Variants in EPHA6 observed in about 807,000 individuals in gnomAD.
The protein encoded by EPHA6 is ephrin type-A receptor 6.
A neutral mutation model predicts 112.0 loss-of-function variants in EPHA6; 50 were observed. The ratio of observed to expected loss-of-function variants is 0.45; its 90% CI spans 0.36 to 0.56. The LOEUF is 0.56. EPHA6 is among the 20% of genes least tolerant of loss of function. EPHA6 has a pLI of 0.00. For missense variants in EPHA6, 1,280 were observed against 1,417.4 expected (o/e 0.90, Z 1.56); for synonymous variants, 529 against 490.7 (o/e 1.08, Z -1.03).
intron 11 of EPHA6, among the ~76,000 whole-genome samples, chr3:97,533,014 T>C (rs2092712861): frequency 6.6e-6 from 1 of 152,000 alleles, no homozygotes; most frequent in South Asian, 2.1e-4. Flanking sequence ...ATAATTTATA[T>C]AAAATGAAAA....
At chr3:97,511,897 GCTT>G (rs1251749178) in intron 10 of EPHA6, among the ~76,000 whole-genome samples, 15 of 151,780 alleles carry the variant, frequency 9.9e-5, no homozygotes, top group African/African-American at 3.6e-4. Context: ...AATTTGGATT[GCTT>G]CTTATAATTG....
intron 6 of EPHA6, among the ~76,000 whole-genome samples, chr3:97,440,764 C>T (rs2090094706): frequency 6.6e-6 from 1 of 151,334 alleles, no homozygotes; most frequent in South Asian, 2.1e-4. Flanking sequence ...GAAATAGAAT[C>T]ACTAATATTT....
rs2033661552 is a variant in EPHA6 at position 97,706,060 on chromosome 3, G to T, written c.2785-14201G>T. ...TTGCTTTGCCAAAATGTATTCACTG[G>T]AAAAATCTGCTATAAAACAGTGAAT... On this transcript the variant is annotated intron_variant, in intron 14 of 17. Transcript: ENST00000389672. 2.0e-5 allele frequency among the ~76,000 whole-genome samples: 3 copies of T among 152,230 alleles called. No homozygotes were observed. In the South Asian group the frequency reaches 6.2e-4, roughly 32 times the overall value.
At chr3:97,623,132 C>T (rs1302124106) in intron 13 of EPHA6, among the ~76,000 whole-genome samples, 1 of 151,604 alleles carries the variant, frequency 6.6e-6, no homozygotes, top group Admixed American at 6.6e-5. Context: ...TCAGTTTTTT[C>T]TTTTGTTGCC....
At chr3:97,201,423 C>T (rs1237778734) in intron 3 of EPHA6, among the ~76,000 whole-genome samples, 9 of 152,020 alleles carry the variant, frequency 5.9e-5, no homozygotes, top group African/African-American at 2.2e-4. Flanking sequence ...TTACCAGAAG[C>T]CTAAAATCTG....
At chr3:97,040,648 G>A (rs114451781) in intron 3 of EPHA6, among the ~76,000 whole-genome samples, 6,354 of 152,034 alleles carry the variant, frequency 0.042, 168 homozygotes, top group Middle Eastern at 0.086. Flanking sequence ...AATGATCCAA[G>A]CATTCATATT....
chr3:97,241,837 A>T (rs2078858694), intron 4 of EPHA6, among the ~76,000 whole-genome samples: 1 of 150,342 alleles, frequency 6.7e-6, no homozygotes, highest in South Asian at 2.1e-4. Context: ...ATAATTGATA[A>T]TATTCTTCCT....
chr3:97,173,599 G>C (rs2076754059), intron 3 of EPHA6, among the ~76,000 whole-genome samples: 1 of 151,788 alleles, frequency 6.6e-6, no homozygotes. Flanking sequence ...CAAGTTTCCT[G>C]TTGTACTTAC....
intron 5 of EPHA6, among the ~76,000 whole-genome samples, chr3:97,382,984 A>C (rs1265868584): frequency 1.3e-5 from 2 of 152,024 alleles, no homozygotes; most frequent in African/African-American, 2.4e-5. Context: ...TTATTCAACC[A>C]TACCCTTTTA....
chr3:97,449,524 G>A (rs1418191225), intron 7 of EPHA6, among the ~76,000 whole-genome samples: 5 of 151,802 alleles, frequency 3.3e-5, no homozygotes, highest in Non-Finnish European at 7.4e-5. Context: ...AATAATAATA[G>A]CAAGCATTTA....
At chr3:97,546,385 T>C (rs1047607060) in intron 11 of EPHA6, among the ~76,000 whole-genome samples, 3 of 152,260 alleles carry the variant, frequency 2.0e-5, no homozygotes, top group African/African-American at 7.2e-5. Flanking sequence ...GAATGTTGAA[T>C]ATTGGTCCCC....
rs2036049188 is a variant in EPHA6, at chr3:97,757,304, A to T, written c.*8603A>T. On this transcript the variant is annotated 3_prime_UTR_variant, in exon 18 of 18. Coordinates refer to ENST00000389672, the MANE Select transcript of EPHA6 (RefSeq NM_001080448.3). ...AATCTCTAATATAAATGAGTACACT[A>T]ATAGTTGTTAAAATATGTATTGATA... Among the ~76,000 whole-genome samples the T allele has an allele frequency of 6.6e-6, 1 of 151,882 alleles. No individual in the cohort carries two copies. The highest frequency in any genetic ancestry group is 1.9e-4 in the East Asian group (1 of 5,198).
chr3:97,669,946 C>T (rs998176081), intron 14 of EPHA6, among the ~76,000 whole-genome samples: 2 of 152,142 alleles, frequency 1.3e-5, no homozygotes, highest in Non-Finnish European at 2.9e-5. Flanking sequence ...GCCTATTTCT[C>T]TGGAGGACAA....
intron 3 of EPHA6, among the ~76,000 whole-genome samples, chr3:97,183,298 A>G (rs1448084893): frequency 6.6e-6 from 1 of 152,154 alleles, no homozygotes; most frequent in Non-Finnish European, 1.5e-5. Flanking sequence ...GTACAATTCC[A>G]TAACCCTGAA....
chr3:96,944,006 C>T (rs2041119119), intron 2 of EPHA6, among the ~76,000 whole-genome samples: 1 of 152,068 alleles, frequency 6.6e-6, no homozygotes, highest in Non-Finnish European at 1.5e-5. Flanking sequence ...AGTGAATAAA[C>T]ATGCTTAATA....
chr3:97,452,435 T>C (rs866124541), intron 7 of EPHA6, among the ~76,000 whole-genome samples: 1 of 151,804 alleles, frequency 6.6e-6, no homozygotes. Flanking sequence ...TTTCCTTGTA[T>C]TTTAATGTTC....
chr3:97,505,937 TG>T (rs1436570502), intron 10 of EPHA6, among the ~76,000 whole-genome samples: 1 of 152,256 alleles, frequency 6.6e-6, no homozygotes, highest in Non-Finnish European at 1.5e-5. Flanking sequence ...TGATGGCCAG[TG>T]GTGATGAACT....
At chr3:97,058,677 G>A (rs1367650432) in intron 3 of EPHA6, among the ~76,000 whole-genome samples, 1 of 152,092 alleles carries the variant, frequency 6.6e-6, no homozygotes, top group Non-Finnish European at 1.5e-5. Flanking sequence ...TAATTACTCA[G>A]GAGCTTAAAT....
At chr3:97,211,340 T>C (rs2077868764) in intron 3 of EPHA6, among the ~76,000 whole-genome samples, 1 of 152,210 alleles carries the variant, frequency 6.6e-6, no homozygotes, top group Non-Finnish European at 1.5e-5. Flanking sequence ...TGACATTTAT[T>C]AATCCCTCAC....
Sources: allele counts gnomAD v4.1 joint callset (sites outside exome capture counted in the v4.1 genomes callset), GRCh38; gene constraint gnomAD v4.1.1; transcripts MANE v1.5; gene names NCBI Gene and HGNC (gene_info 2026-07-23, HGNC 2026-07-21).